Variants in SDCCAG8 observed in about 807,000 individuals in gnomAD.
SDCCAG8 encodes the protein SHH signaling and ciliogenesis regulator SDCCAG8, also known as serologically defined colon cancer antigen 8.
A neutral mutation model predicts 101.8 loss-of-function variants in SDCCAG8; 74 were observed. The observed-to-expected ratio is 0.73, with a 90% CI of 0.60 to 0.88. The LOEUF is 0.88. SDCCAG8 is among the 40% of genes least tolerant of loss of function. The pLI is 0.00. For missense variants in SDCCAG8, 787 were observed against 822.6 expected, an observed-to-expected ratio of 0.96 and a Z score of 0.53; for synonymous variants, 281 against 292.9, an observed-to-expected ratio of 0.96 and a Z score of 0.41.
At chr1:243,349,685 T>A (rs1039972484) in intron 12 of SDCCAG8, among the ~76,000 whole-genome samples, 23 of 152,334 alleles carry the variant, frequency 1.5e-4, no homozygotes, top group African/African-American at 5.5e-4. Flanking sequence ...CTGATAATCA[T>A]GGCATTTTCT....
At chr1:243,279,403 T>C (rs914804318) in intron 4 of SDCCAG8, among the ~76,000 whole-genome samples, 2 of 152,246 alleles carry the variant, frequency 1.3e-5, no homozygotes, top group Non-Finnish European at 2.9e-5. Flanking sequence ...TGTGATTGCA[T>C]GGCTAACTGG....
At chr1:243,375,060 T>G (rs896236884) in intron 12 of SDCCAG8, among the ~76,000 whole-genome samples, 1 of 152,170 alleles carries the variant, frequency 6.6e-6, no homozygotes, top group South Asian at 2.1e-4. Flanking sequence ...AAATTTTTCA[T>G]AATCATTATA....
At position 243,267,725 on chromosome 1, in the gene SDCCAG8, AATTGTTCAAATC is replaced by A. The variant is rs1239335446; in HGVS notation, c.68-2379_68-2368del. 6.9e-5 allele frequency: 55 copies of A among 796,662 alleles called. No homozygotes were observed. In the African/African-American group the frequency reaches 8.6e-4, roughly 12 times the overall value. The allele number at this position is 796,662 out of a possible 1,614,324, so 49.3% of individuals were successfully genotyped here. ...ATAGGTTCCTGTGTGTGTACATGGT[AATTGTTCAAATC>A]TTGGATCCTTGGCGATCCTTAGAGC... On this transcript the variant is annotated intron_variant, in intron 1 of 17. Transcript: ENST00000366541.
At chr1:243,270,291 G>T (rs1477763007) in intron 2 of SDCCAG8, 34 bp downstream of exon 2, 15 of 1,597,768 alleles carry the variant, frequency 9.4e-6, no homozygotes, top group African/African-American at 2.7e-5. Context: ...TCTGAATGAT[G>T]CATAGTGAAT....
At chr1:243,421,472 T>A (rs1181423224) in intron 15 of SDCCAG8, among the ~76,000 whole-genome samples, 1 of 152,140 alleles carries the variant, frequency 6.6e-6, no homozygotes, top group Non-Finnish European at 1.5e-5. Context: ...ATGTGTTTTC[T>A]CCCCAAGGAG....
chr1:243,462,407 G>C (rs1659299610), intron 16 of SDCCAG8, among the ~76,000 whole-genome samples: 1 of 152,182 alleles, frequency 6.6e-6, no homozygotes, highest in African/African-American at 2.4e-5. Context: ...TTAGGTAAGG[G>C]GCTGTGTGGC....
In SDCCAG8 at chr1:243,293,234, G is replaced by A. The variant is rs750029026; in HGVS notation, c.675+15G>A. The stretch of plus-strand genomic sequence containing the variant: ...AGCTAGAACTGGTGAGTATTTGGGT[G>A]CTTTTCTCTTATACATCTTTTTTTT... On this transcript the variant is annotated intron_variant, in intron 6 of 17. Coordinates refer to ENST00000366541, the MANE Select transcript of SDCCAG8 (RefSeq NM_006642.5). 1.2e-6 allele frequency: 2 copies of A among 1,613,322 alleles called. No homozygotes were observed. The highest frequency in any genetic ancestry group is 1.7e-6 in the Non-Finnish European group (2 of 1,179,678).
chr1:243,472,547 T>C (rs1661478705), intron 16 of SDCCAG8, among the ~76,000 whole-genome samples: 1 of 152,224 alleles, frequency 6.6e-6, no homozygotes, highest in Non-Finnish European at 1.5e-5. Flanking sequence ...AATTCACTTA[T>C]GGTCAGCTGT....
chr1:243,287,675 T>A (rs2069766336), intron 5 of SDCCAG8, among the ~76,000 whole-genome samples: 1 of 152,138 alleles, frequency 6.6e-6, no homozygotes, highest in African/African-American at 2.4e-5. Context: ...TTAATGTCAA[T>A]TTGAGGAAGA....
chr1:243,471,551 G>T (rs1363982789), intron 16 of SDCCAG8, among the ~76,000 whole-genome samples: 2 of 152,052 alleles, frequency 1.3e-5, no homozygotes, highest in African/African-American at 4.8e-5. Flanking sequence ...GGCTCAGCAG[G>T]CCAGCTTTTC....
intron 5 of SDCCAG8, among the ~76,000 whole-genome samples, chr1:243,291,216 C>G (rs987748637): frequency 6.6e-6 from 1 of 152,150 alleles, no homozygotes; most frequent in Admixed American, 6.5e-5. Context: ...AATTAATATA[C>G]GTATTTTAAT....
At chr1:243,484,836 G>C (rs751638938) in intron 16 of SDCCAG8, among the ~76,000 whole-genome samples, 3 of 152,164 alleles carry the variant, frequency 2.0e-5, no homozygotes, top group Non-Finnish European at 2.9e-5. Flanking sequence ...ACGAGGTCAG[G>C]AGTTAGAGAC....
chr1:243,385,206 G>A (rs556159300), intron 13 of SDCCAG8, among the ~76,000 whole-genome samples: 4 of 151,644 alleles, frequency 2.6e-5, no homozygotes, highest in East Asian at 3.9e-4. Flanking sequence ...CCTGGGCAAC[G>A]TGGCGAAACC....
chr1:243,422,606 C>T (rs1470823107), intron 15 of SDCCAG8, among the ~76,000 whole-genome samples: 4 of 151,990 alleles, frequency 2.6e-5, no homozygotes, highest in East Asian at 3.8e-4. Flanking sequence ...AACACACACC[C>T]GGTTGAACTG....
intron 16 of SDCCAG8, among the ~76,000 whole-genome samples, chr1:243,452,517 G>T (rs955804436): frequency 2.0e-4 from 30 of 148,840 alleles, no homozygotes; most frequent in African/African-American, 7.4e-4. Context: ...CGAACTCCTG[G>T]CCTGTAGGGA....
At chr1:243,298,350 CTT>C (rs35061154) in intron 6 of SDCCAG8, among the ~76,000 whole-genome samples, 293 of 51,076 alleles carry the variant, frequency 5.7e-3, no homozygotes, top group South Asian at 0.02. Context: ...CGCACCCTGC[CTT>C]TTTTTTTTTT....
intron 13 of SDCCAG8, among the ~76,000 whole-genome samples, chr1:243,387,476 T>C (rs1281879601): frequency 1.3e-5 from 2 of 152,052 alleles, no homozygotes; most frequent in Non-Finnish European, 2.9e-5. Flanking sequence ...TAAGTGAGAG[T>C]CCACCAAACA....
chr1:243,387,033 A>G (rs2078348715), intron 13 of SDCCAG8, among the ~76,000 whole-genome samples: 2 of 152,222 alleles, frequency 1.3e-5, no homozygotes, highest in Non-Finnish European at 2.9e-5. Flanking sequence ...GACATGTCCA[A>G]ATATCTGTAA....
intron 16 of SDCCAG8, among the ~76,000 whole-genome samples, chr1:243,486,981 C>T (rs1253724563): frequency 1.3e-5 from 2 of 152,216 alleles, no homozygotes; most frequent in Non-Finnish European, 2.9e-5. Flanking sequence ...AGGCCTTCAT[C>T]GGAGGGGAAA....
Sources: allele counts gnomAD v4.1 joint callset (sites outside exome capture counted in the v4.1 genomes callset), GRCh38; gene constraint gnomAD v4.1.1; transcripts MANE v1.5; gene names NCBI Gene and HGNC (gene_info 2026-07-23, HGNC 2026-07-21).